The following RND2 variants were observed in gnomAD, a reference collection of about 807,000 sequenced individuals.
RND2 encodes the protein rho-related GTP-binding protein RhoN.
RND2 carries 16 observed loss-of-function variants against 25.9 expected under a neutral mutation model. The ratio of observed to expected loss-of-function variants is 0.62; its 90% confidence interval spans 0.42 to 0.94. RND2 has a LOEUF of 0.94. Among genes scored for constraint, RND2 ranks in the 40% least tolerant of loss-of-function variants. The pLI is 0.00. For missense variants in RND2, 276 were observed against 305.5 expected, an observed-to-expected ratio of 0.90 and a Z score of 0.72; for synonymous variants, 97 against 118.1, an observed-to-expected ratio of 0.82 and a Z score of 1.16.
At chr17:43,027,399 C>T (rs2050632161) in intron 3 of RND2, 107 bp downstream of exon 3, 2 of 726,270 alleles carry the variant, frequency 2.8e-6, no homozygotes, top group Non-Finnish European at 4.6e-6. Context: ...GTATGGCCAT[C>T]AGCTGGTTAG....
chr17:43,025,321 G>C lies in RND2; in HGVS notation c.-27G>C, dbSNP rs965123949. 6.6e-7 allele frequency: 1 copy of C among 1,515,556 alleles called. No individual in the cohort carries two copies. The highest frequency in any genetic ancestry group is 1.4e-5 in the African/African-American group (1 of 70,624). The allele number at this position is 1,515,556 out of a possible 1,614,324, so 93.9% of individuals were successfully genotyped here. ...CGGCGGGGCCCGGGAGAGGGGTGGC[G>C]TGGGGGACCGGCGCGTAGCCGGGAC... On this transcript the variant is annotated 5_prime_UTR_variant, in exon 1 of 5. Coordinates refer to ENST00000587250, the MANE Select transcript of RND2 (RefSeq NM_005440.5).
intron 2 of RND2, chr17:43,026,352 AG>A: frequency 2.9e-6 from 1 of 339,646 alleles, no homozygotes; most frequent in Non-Finnish European, 5.6e-6. Context: ...GACTGGGTTT[AG>A]AAAAGACATT....
chr17:43,028,424 T>C lies in RND2; in HGVS notation c.436-8T>C. The C allele has an allele frequency of 6.2e-7, 1 of 1,611,514 alleles. No homozygotes were observed. Among genetic ancestry groups the C allele is most frequent in the Non-Finnish European group, 8.5e-7 (1 of 1,177,782 alleles). ...TAACTTTCTCCCATGCACTCCTTCC[T>C]TTTCCAGGGCACTGTGCTGGCCAAG... On this transcript the variant is annotated splice_region_variant and splice_polypyrimidine_tract_variant and intron_variant, in intron 4 of 4. Transcript: ENST00000587250.
rs2151975774 is a variant in RND2, at chr17:43,031,813, G to A, written c.*3133G>A. ...AGACGTTTTATTTCTGGGGAGGAGGGCTCTGGGCTGAGGAGCTCAGTGGGT... is the reference window on the plus strand; with the variant it reads ...AGACGTTTTATTTCTGGGGAGGAGGACTCTGGGCTGAGGAGCTCAGTGGGT... On this transcript the variant is annotated 3_prime_UTR_variant, in exon 5 of 5. Coordinates refer to ENST00000587250, the MANE Select transcript of RND2 (RefSeq NM_005440.5). 6.6e-6 allele frequency: 1 copy of A among 152,268 alleles called. No individual in the cohort carries two copies. Among genetic ancestry groups the A allele is most frequent in the East Asian group, 1.9e-4 (1 of 5,172 alleles). The allele number at this position is 152,268 out of a possible 1,614,324, so 9.4% of individuals were successfully genotyped here.
intron 2 of RND2, among the ~76,000 whole-genome samples, 160 bp from the exon 3 acceptor site, chr17:43,027,023 T>G (rs1285949718): frequency 6.6e-6 from 1 of 152,176 alleles, no homozygotes; most frequent in African/African-American, 2.4e-5. Flanking sequence ...CTCCCCCACT[T>G]GGGAAACCCA....
intron 2 of RND2, 71 bp from the exon 3 acceptor site, chr17:43,027,112 A>G: frequency 1.1e-6 from 1 of 900,366 alleles, no homozygotes; most frequent in East Asian, 2.6e-5. Flanking sequence ...CTTGACCAGG[A>G]TCTGTAAGGT....
In RND2 at chr17:43,030,554, T is replaced by A. The variant is rs1379756968; in HGVS notation, c.*1874T>A. ...CATGGCTGAGGGATATTTGTACATGTATGGGATGCTATGGGAGCTCCTTGC... is the reference window on the plus strand; with the variant it reads ...CATGGCTGAGGGATATTTGTACATGAATGGGATGCTATGGGAGCTCCTTGC... On this transcript the variant is annotated 3_prime_UTR_variant, in exon 5 of 5. Transcript: ENST00000587250. 6.6e-6 allele frequency: 1 copy of A among 152,172 alleles called. No individual in the cohort carries two copies. Among genetic ancestry groups the A allele is most frequent in the African/African-American group, 2.4e-5 (1 of 41,374 alleles). The allele number at this position is 152,172 out of a possible 1,614,324, so 9.4% of individuals were successfully genotyped here.
intron 4 of RND2, 38 bp downstream of exon 4, chr17:43,028,233 C>A: frequency 1.2e-6 from 2 of 1,612,242 alleles, no homozygotes; most frequent in Non-Finnish European, 1.7e-6. Context: ...CCAGCCTAGA[C>A]CTGTCACCTC....
rs1287230702 is a variant in RND2, at chr17:43,029,219, C to A, written c.*539C>A. 5 of 153,450 alleles carry A rather than the reference C, an allele frequency of 3.3e-5. No individual in the cohort carries two copies. Among genetic ancestry groups the A allele is most frequent in the Admixed American group, 1.3e-4 (2 of 15,506 alleles). The allele number at this position is 153,450 out of a possible 1,614,324, so 9.5% of individuals were successfully genotyped here. A position where few individuals can be genotyped will look rare whatever the true frequency, so the allele number is the denominator to read the frequency against. On this transcript the variant is annotated 3_prime_UTR_variant, in exon 5 of 5. Coordinates refer to ENST00000587250, the MANE Select transcript of RND2 (RefSeq NM_005440.5). The stretch of plus-strand genomic sequence containing the variant: ...AACAGTCACCTAATAAAGCCCACCT[C>A]CATGGAAAACGGCTGTGGCTTTAGT...
Position 43,028,733 on chromosome 17 carries a change from C to T in RND2, c.*53C>T, listed in dbSNP as rs2050646550. 2.7e-6 allele frequency: 4 copies of T among 1,502,710 alleles called. No individual in the cohort carries two copies. The highest frequency in any genetic ancestry group is 2.5e-5 in the East Asian group (1 of 40,260). The allele number at this position is 1,502,710 out of a possible 1,614,324, so 93.1% of individuals were successfully genotyped here. On this transcript the variant is annotated 3_prime_UTR_variant, in exon 5 of 5. Transcript: ENST00000587250. ...AGGGGTGGTGAGGGACACAATTGTT[C>T]CCCTGCCTGCGCCCAGGCTTCCTGA...
At chr17:43,026,283 T>C in intron 2 of RND2, 2 of 485,646 alleles carry the variant, frequency 4.1e-6, no homozygotes, top group South Asian at 3.3e-5. Flanking sequence ...GGGTCCTGCC[T>C]ACCTGGGAAA....
intron 3 of RND2, 94 bp downstream of exon 3, chr17:43,027,386 G>A: frequency 1.2e-6 from 1 of 804,760 alleles, no homozygotes; most frequent in Non-Finnish European, 2.0e-6. Context: ...AGTGATGGCT[G>A]GGGTATGGCC....
chr17:43,025,493 G>T, intron 1 of RND2, 44 bp downstream of exon 1: 1 of 1,534,862 alleles, frequency 6.5e-7, no homozygotes, highest in Admixed American at 2.0e-5. Flanking sequence ...AGGCTGCTGG[G>T]GGGTGGGTGA....
rs1321752661 is a variant in RND2, at chr17:43,027,306, G to A, written c.300+14G>A. ...GTTCTCAAGAAGGTGGGAGCCTGGG[G>A]AAATAGGGCAGCTAGACTGAGGGGG... is the stretch of plus-strand genomic sequence containing the variant. On this transcript the variant is annotated intron_variant, in intron 3 of 4. Coordinates refer to ENST00000587250, the MANE Select transcript of RND2 (RefSeq NM_005440.5). 1.9e-6 allele frequency: 3 copies of A among 1,577,488 alleles called. No homozygotes were observed. Among genetic ancestry groups the A allele is most frequent in the Non-Finnish European group, 2.6e-6 (3 of 1,151,944 alleles).
In RND2 at chr17:43,025,386, G is replaced by A. The variant is rs1378780807; in HGVS notation, c.39G>A (p.Val13=). ...GQSGRCKIVV[V]GDAECGKTAL... The stretch of plus-strand genomic sequence containing the variant: ...GCGGCCGCTGCAAGATCGTGGTGGT[G>A]GGAGACGCAGAGTGCGGCAAGACGG... Residue 13 remains valine (V), a synonymous_variant, in exon 1 of 5, where the codon GTG becomes GTA. Transcript: ENST00000587250. The A allele has an allele frequency of 1.2e-5, 19 of 1,554,022 alleles. No homozygotes were observed. The highest frequency in any genetic ancestry group is 1.7e-5 in the Non-Finnish European group (19 of 1,149,088).
At chr17:43,027,586 G>A (rs1299932744) in intron 3 of RND2, among the ~76,000 whole-genome samples, 2 of 152,204 alleles carry the variant, frequency 1.3e-5, no homozygotes, top group Non-Finnish European at 2.9e-5. Context: ...GGGAGTCCCA[G>A]ATGGAGGGGA....
At position 43,028,633 on chromosome 17, in the gene RND2, G is replaced by A. The variant is rs1223765669; in HGVS notation, c.637G>A (p.Glu213Lys). 1.9e-6 allele frequency: 3 copies of A among 1,607,830 alleles called. No individual in the cohort carries two copies. Among genetic ancestry groups the A allele is most frequent in the Admixed American group, 1.7e-5 (1 of 58,964 alleles). Residue 213 changes from glutamate (E) to lysine (K), a missense_variant, in exon 5 of 5, where the codon GAG becomes AAG. Coordinates refer to ENST00000587250, the MANE Select transcript of RND2 (RefSeq NM_005440.5). Reference protein sequence around the residue: ...QLSGRPDRGNEGEIHKDRAKS... With the variant: ...QLSGRPDRGNKGEIHKDRAKS... ...GTCAGGACGGCCAGACCGGGGGAATGAGGGCGAGATACACAAGGATCGAGC... is the reference window on the plus strand; with the variant it reads ...GTCAGGACGGCCAGACCGGGGGAATAAGGGCGAGATACACAAGGATCGAGC...
intron 2 of RND2, 109 bp from the exon 3 acceptor site, chr17:43,027,074 T>A: frequency 1.5e-6 from 1 of 661,624 alleles, no homozygotes; most frequent in Non-Finnish European, 2.6e-6. Flanking sequence ...TAATGGTTGC[T>A]CTTTTCCATT....
intron 3 of RND2, 56 bp from the exon 4 acceptor site, chr17:43,028,005 G>T (rs1719836722): frequency 1.3e-6 from 2 of 1,562,512 alleles, no homozygotes; most frequent in Admixed American, 3.8e-5. Context: ...TGGCACAAAG[G>T]CTCACGCTGT....
Sources: gnomAD v4.1 joint callset for allele counts (sites outside exome capture counted in the v4.1 genomes callset) on GRCh38, gnomAD v4.1.1 for gene constraint, MANE v1.5 for transcripts, NCBI Gene and HGNC (gene_info 2026-07-23, HGNC 2026-07-21) for gene names.